Variants in CHRNA7 observed in about 807,000 individuals in gnomAD.
CHRNA7 encodes neuronal acetylcholine receptor subunit alpha-7.
A neutral mutation model predicts 48.0 loss-of-function variants in CHRNA7; 17 were observed. The ratio of observed to expected loss-of-function variants is 0.35; its 90% CI spans 0.24 to 0.53. The LOEUF (loss-of-function observed/expected upper bound fraction) is 0.53, where lower values mean the gene tolerates loss of function less well. CHRNA7 is among the 20% of genes least tolerant of loss of function. CHRNA7 has a pLI of 0.92. For missense variants in CHRNA7, 155 were observed against 577.7 expected, an observed-to-expected ratio of 0.27 and a Z score of 7.50; for synonymous variants, 75 against 242.3, an observed-to-expected ratio of 0.31 and a Z score of 6.41.
At chr15:32,086,311 G>A (rs1350931404) in intron 2 of CHRNA7, among the ~76,000 whole-genome samples, 1 of 148,230 alleles carries the variant, frequency 6.7e-6, no homozygotes, top group Admixed American at 6.9e-5. Flanking sequence ...GGAGGTTGCA[G>A]TGAGCCAAGA....
intron 2 of CHRNA7, among the ~76,000 whole-genome samples, chr15:32,057,381 A>C (rs1424267715): frequency 1.3e-5 from 2 of 152,142 alleles, no homozygotes; most frequent in African/African-American, 2.4e-5. Flanking sequence ...TCTGACTCTG[A>C]AGGAAAAGAA....
At chr15:32,138,617 C>G (rs1201602263) in intron 4 of CHRNA7, among the ~76,000 whole-genome samples, 1 of 152,086 alleles carries the variant, frequency 6.6e-6, no homozygotes, top group Non-Finnish European at 1.5e-5. Context: ...GTATAATGAC[C>G]TGTATCGACC....
intron 2 of CHRNA7, among the ~76,000 whole-genome samples, chr15:32,039,659 G>A (rs917323015): frequency 3.9e-5 from 6 of 151,992 alleles, no homozygotes; most frequent in Admixed American, 3.9e-4. Context: ...ATTTGTTAAG[G>A]CTCTTTCTGT....
At chr15:32,138,941 A>G (rs541148334) in intron 4 of CHRNA7, among the ~76,000 whole-genome samples, 1 of 152,144 alleles carries the variant, frequency 6.6e-6, no homozygotes, top group South Asian at 2.1e-4. Context: ...TTTAGTAGAG[A>G]CAGGGTTTCG....
At chr15:32,048,457 G>A (rs558899113) in intron 2 of CHRNA7, among the ~76,000 whole-genome samples, 1 of 152,234 alleles carries the variant, frequency 6.6e-6, no homozygotes, top group South Asian at 2.1e-4. Context: ...TTATTTGCGT[G>A]GAGATGTTTG....
At chr15:32,118,744 C>G (rs1595468192) in intron 4 of CHRNA7, among the ~76,000 whole-genome samples, 1 of 152,072 alleles carries the variant, frequency 6.6e-6, no homozygotes, top group Non-Finnish European at 1.5e-5. Flanking sequence ...GACCCAAACC[C>G]ACCAGAGAAA....
intron 2 of CHRNA7, among the ~76,000 whole-genome samples, chr15:32,097,365 C>T (rs1047127435): frequency 2.6e-5 from 4 of 152,074 alleles, no homozygotes; most frequent in East Asian, 1.9e-4. Flanking sequence ...ATCCCCAAGG[C>T]GATGGTATTA....
intron 3 of CHRNA7, among the ~76,000 whole-genome samples, chr15:32,110,694 G>C (rs1424889115): frequency 1.3e-5 from 2 of 152,118 alleles, no homozygotes; most frequent in Non-Finnish European, 2.9e-5. Flanking sequence ...CCCCTCCTTT[G>C]ATGTTGTTTT....
intron 2 of CHRNA7, among the ~76,000 whole-genome samples, chr15:32,078,437 A>C (rs1007621710): frequency 1.3e-5 from 2 of 152,096 alleles, no homozygotes; most frequent in African/African-American, 4.8e-5. Context: ...TCGTATGTGG[A>C]TGTGAGTTAT....
chr15:32,102,254 C>T (rs968261178), intron 3 of CHRNA7: 1 of 152,226 alleles, frequency 6.6e-6, no homozygotes, highest in Admixed American at 6.5e-5. Context: ...AAGTGATTCT[C>T]CTGCCTCAGA....
intron 2 of CHRNA7, among the ~76,000 whole-genome samples, chr15:32,070,723 G>C (rs1040456629): frequency 2.8e-5 from 3 of 107,818 alleles, no homozygotes; most frequent in Non-Finnish European, 5.1e-5. Flanking sequence ...GTCTTGCTCT[G>C]TCGCCCAGGC....
intron 2 of CHRNA7, among the ~76,000 whole-genome samples, chr15:32,064,497 G>GTA (rs1013752337): frequency 4.0e-5 from 6 of 151,230 alleles, no homozygotes; most frequent in African/African-American, 1.5e-4. Context: ...GTGTGTATGT[G>GTA]TGTGTATGTG....
intron 2 of CHRNA7, among the ~76,000 whole-genome samples, chr15:32,060,902 C>T (rs1008077474): frequency 6.6e-6 from 1 of 152,030 alleles, no homozygotes. Context: ...CATCAGAGTC[C>T]GAGAGGAGGA....
At chr15:32,131,399 G>A (rs1042709515) in intron 4 of CHRNA7, among the ~76,000 whole-genome samples, 9 of 151,334 alleles carry the variant, frequency 5.9e-5, no homozygotes, top group South Asian at 4.2e-4. Context: ...TTGTTGCTCC[G>A]ATTGCATAAT....
chr15:32,138,365 A>C (rs1371319022), intron 4 of CHRNA7, among the ~76,000 whole-genome samples: 1 of 152,160 alleles, frequency 6.6e-6, no homozygotes, highest in Non-Finnish European at 1.5e-5. Context: ...ACTAGCAAAA[A>C]AACAGACTTT....
At chr15:32,118,119 C>T (rs1385251964) in intron 4 of CHRNA7, among the ~76,000 whole-genome samples, 19 of 152,088 alleles carry the variant, frequency 1.2e-4, no homozygotes, top group Non-Finnish European at 1.5e-4. Flanking sequence ...GGGAATGGGA[C>T]TGATAACTTG....
intron 2 of CHRNA7, among the ~76,000 whole-genome samples, chr15:32,089,109 T>C (rs1166230159): frequency 6.6e-6 from 1 of 152,214 alleles, no homozygotes; most frequent in Admixed American, 6.5e-5. Context: ...GAATAAGATC[T>C]ATGTTGAATT....
chr15:32,141,544 C>T (rs913198334), intron 4 of CHRNA7, among the ~76,000 whole-genome samples: 2 of 152,240 alleles, frequency 1.3e-5, no homozygotes, highest in Non-Finnish European at 2.9e-5. Flanking sequence ...TTGATTCTTC[C>T]TATCCATGAG....
intron 3 of CHRNA7, among the ~76,000 whole-genome samples, chr15:32,107,783 C>T (rs1293010020): frequency 6.6e-6 from 1 of 152,098 alleles, no homozygotes; most frequent in Non-Finnish European, 1.5e-5. Context: ...CTCACCCCTC[C>T]CCAGAGCTGT....
Sources: gnomAD v4.1 joint callset for allele counts (sites outside exome capture counted in the v4.1 genomes callset) on GRCh38, gnomAD v4.1.1 for gene constraint, MANE v1.5 for transcripts, NCBI Gene and HGNC (gene_info 2026-07-23, HGNC 2026-07-21) for gene names.